The following FKBP9 variants were observed in gnomAD, a reference collection of about 807,000 sequenced individuals.
FKBP9 encodes the protein FKBP prolyl isomerase 9, also known as peptidyl-prolyl cis-trans isomerase FKBP9.
FKBP9 carries 27 observed loss-of-function variants against 55.6 expected under a neutral mutation model. The ratio of observed to expected loss-of-function variants is 0.49; its 90% CI spans 0.36 to 0.67. The LOEUF (loss-of-function observed/expected upper bound fraction) is 0.67, where lower values mean the gene tolerates loss of function less well. Ranked by LOEUF, FKBP9 falls within the 30% of genes least tolerant of loss-of-function variation. The probability of loss-of-function intolerance (pLI) is 0.00; values close to 1 mark genes in which losing one functional copy is unlikely to be tolerated. For synonymous variants in FKBP9, 267 were observed against 296.5 expected, an observed-to-expected ratio of 0.90 and a Z score of 1.02; for missense variants, 539 against 742.8, an observed-to-expected ratio of 0.73 and a Z score of 3.19.
In FKBP9 at chr7:32,957,585, G is replaced by A. The variant is rs1783924565; in HGVS notation, c.12G>A (p.Arg4=). Residue 4 remains arginine, a synonymous_variant, in exon 1 of 10, where the codon CGG becomes CGA. Transcript: ENST00000242209. ...TTCTCGCCGCCCCGATGGCGTTCCG[G>A]GGCTGGAGGCCCCCGCCGCCACCGC... MAF[R]GWRPPPPPLL... The A allele has an allele frequency of 1.4e-6, 2 of 1,470,878 alleles. No homozygotes were observed. 91.1% of individuals were successfully genotyped at this position (1,470,878 alleles called of 1,614,324 possible). A position where few individuals can be genotyped will look rare whatever the true frequency, so the allele number is the denominator to read the frequency against.
chr7:32,996,114 G>T (rs370348340), intron 6 of FKBP9, 49 bp from the exon 7 acceptor site: 130 of 1,575,020 alleles, frequency 8.3e-5, no homozygotes, highest in Non-Finnish European at 1.0e-4. Flanking sequence ...AGGCCCATGT[G>T]CTGCAGCCTG....
At chr7:32,997,916 T>A (rs1230033292) in intron 7 of FKBP9, among the ~76,000 whole-genome samples, 3 of 152,234 alleles carry the variant, frequency 2.0e-5, no homozygotes, top group African/African-American at 7.2e-5. Flanking sequence ...ATGCATTTAA[T>A]GTATTTCAAC....
rs1204609314 is a variant in FKBP9 at position 32,980,433 on chromosome 7, A to G, written c.773A>G (p.Asp258Gly). 6.2e-7 allele frequency: 1 copy of G among 1,613,706 alleles called. No homozygotes were observed. The highest frequency in any genetic ancestry group is 1.3e-5 in the African/African-American group (1 of 74,872). The change falls in exon 5 of 10, where the codon GAC becomes GGC. Residue 258 changes from aspartate to glycine, a missense_variant. This residue lies in a region of FKBP9 where 172 missense variants were observed against 205.3 expected (regional missense o/e 0.84). Coordinates refer to ENST00000242209, the MANE Select transcript of FKBP9 (RefSeq NM_007270.5). The stretch of plus-strand genomic sequence containing the variant: ...TTATTGGACCTCCATAACCCCAAGG[A>G]CAGCATTTCCATTGAGAACAAGGTA... ...VALLDLHNPK[D>G]SISIENKVVP...
At chr7:32,971,476 CCTTT>C (rs1784252965) in intron 1 of FKBP9, among the ~76,000 whole-genome samples, 1 of 151,794 alleles carries the variant, frequency 6.6e-6, no homozygotes, top group African/African-American at 2.4e-5. Flanking sequence ...TTCCTTTCTT[CCTTT>C]CTTTCTTTCC....
chr7:32,961,266 T>C (rs985258990), intron 1 of FKBP9, among the ~76,000 whole-genome samples: 1 of 152,174 alleles, frequency 6.6e-6, no homozygotes, highest in African/African-American at 2.4e-5. Context: ...TCCAGGCTTG[T>C]CTTTTGATAA....
At position 32,973,557 on chromosome 7, in the gene FKBP9, C is replaced by G. The variant is rs185347172; in HGVS notation, c.222-1060C>G. ...CATGCTGCCTCTGTGTTTAACTTAG[C>G]TGGATGACTTTAAAAAAAATCAAGT... On this transcript the variant is annotated intron_variant, in intron 1 of 9. Transcript: ENST00000242209. 2.0e-3 allele frequency among the ~76,000 whole-genome samples: 259 copies of G among 127,564 alleles called. 2 individuals are homozygous for G. Among genetic ancestry groups the G allele is most frequent in the African/African-American group, 7.4e-3 (246 of 33,352 alleles). The allele number at this position is 127,564 out of a possible 152,430, so 83.7% of individuals were successfully genotyped here.
In FKBP9 at chr7:33,006,449, T is replaced by A. The variant is rs2127990357; in HGVS notation, c.*1098T>A. On this transcript the variant is annotated 3_prime_UTR_variant, in exon 10 of 10. Transcript: ENST00000242209. ...TTCTTATTCCCACCTTTCTATCCCATAGAACACTCTTTTTTATCTTCCCTG... is the reference window on the plus strand; with the variant it reads ...TTCTTATTCCCACCTTTCTATCCCAAAGAACACTCTTTTTTATCTTCCCTG... 1 of 202,684 alleles carries A rather than the reference T, an allele frequency of 4.9e-6. No homozygotes were observed. The highest frequency in any genetic ancestry group is 2.3e-5 in the African/African-American group (1 of 43,692). 12.6% of individuals were successfully genotyped at this position (202,684 alleles called of 1,614,324 possible).
chr7:32,957,568 G>A lies in FKBP9; in HGVS notation c.-6G>A, dbSNP rs1338003261. 2 of 1,452,730 alleles carry A rather than the reference G, an allele frequency of 1.4e-6. No individual in the cohort carries two copies. The highest frequency in any genetic ancestry group is 1.8e-6 in the Non-Finnish European group (2 of 1,111,674). The allele number at this position is 1,452,730 out of a possible 1,614,324, so 90.0% of individuals were successfully genotyped here. A position where few individuals can be genotyped will look rare whatever the true frequency, so the allele number is the denominator to read the frequency against. ...CTGCGTCCGCGCCACTCTTCTCGCC[G>A]CCCCGATGGCGTTCCGGGGCTGGAG... On this transcript the variant is annotated 5_prime_UTR_variant, in exon 1 of 10. Coordinates refer to ENST00000242209, the MANE Select transcript of FKBP9 (RefSeq NM_007270.5).
chr7:32,977,037 C>A (rs970124848), intron 4 of FKBP9, among the ~76,000 whole-genome samples: 4 of 152,228 alleles, frequency 2.6e-5, no homozygotes, highest in African/African-American at 9.6e-5. Flanking sequence ...CCCGTTTGCA[C>A]CTCTATGATG....
intron 8 of FKBP9, among the ~76,000 whole-genome samples, chr7:33,000,953 T>C (rs935333086): frequency 2.0e-5 from 3 of 152,046 alleles, no homozygotes; most frequent in Non-Finnish European, 2.9e-5. Context: ...GCTAATTTTT[T>C]ATTTTTTAGA....
intron 7 of FKBP9, among the ~76,000 whole-genome samples, 169 bp from the exon 8 acceptor site, chr7:32,999,946 T>G (rs989831538): frequency 1.3e-5 from 2 of 152,134 alleles, no homozygotes; most frequent in Non-Finnish European, 2.9e-5. Context: ...AGCCAGACAT[T>G]TTTCAGCATG....
At chr7:32,995,096 G>A (rs1222819965) in intron 6 of FKBP9, 4 of 151,612 alleles carry the variant, frequency 2.6e-5, no homozygotes, top group African/African-American at 9.7e-5. Context: ...TCAACCTCCC[G>A]AGTATCTGGG....
chr7:32,989,852 G>A lies in FKBP9; in HGVS notation c.1039+1200G>A, dbSNP rs563149689. ...TTTTGAGACAAAGTCTTGTTCTGTTGCCCAGGCTGGAGTGCAGTGGTAAGA... is the reference window on the plus strand; with the variant it reads ...TTTTGAGACAAAGTCTTGTTCTGTTACCCAGGCTGGAGTGCAGTGGTAAGA... On this transcript the variant is annotated intron_variant, in intron 6 of 9. Transcript: ENST00000242209. Among the ~76,000 whole-genome samples, 3 of 152,032 alleles carry A rather than the reference G, an allele frequency of 2.0e-5. No homozygotes were observed. In the South Asian group the frequency reaches 6.3e-4, roughly 32 times the overall value.
intron 1 of FKBP9, among the ~76,000 whole-genome samples, chr7:32,961,337 C>T (rs1482645303): frequency 6.6e-6 from 1 of 152,156 alleles, no homozygotes; most frequent in Non-Finnish European, 1.5e-5. Flanking sequence ...TGCTCTAGCA[C>T]AGTAGTGTTT....
chr7:33,002,700 T>C lies in FKBP9; in HGVS notation c.1397T>C (p.Val466Ala). 6.2e-7 allele frequency: 1 copy of C among 1,614,054 alleles called. No homozygotes were observed. The highest frequency in any genetic ancestry group is 8.5e-7 in the Non-Finnish European group (1 of 1,180,000). Residue 466 changes from valine (V) to alanine (A), a missense_variant, in exon 9 of 10, where the codon GTA becomes GCA. Physicochemically the swap from Val to Ala is moderately conservative, Grantham distance 64 (BLOSUM62 0). This residue lies in a region of FKBP9 where 102 missense variants were observed against 200.7 expected (regional missense o/e 0.51). Coordinates refer to ENST00000242209, the MANE Select transcript of FKBP9 (RefSeq NM_007270.5). The stretch of plus-strand genomic sequence containing the variant: ...GATGGAGAAGTGCCCGGCAGTGCCG[T>C]ATTAGTGTTTGACATTGAGCTGCTG... ...GVDGEVPGSA[V>A]LVFDIELLEL...
chr7:32,979,490 G>A (rs1784429865), intron 4 of FKBP9: 2 of 1,548,452 alleles, frequency 1.3e-6, no homozygotes, highest in African/African-American at 1.4e-5. Context: ...ATGCAGGGTG[G>A]GCTTTGCCAA....
chr7:32,973,142 G>A (rs1028425955), intron 1 of FKBP9, among the ~76,000 whole-genome samples: 14 of 152,100 alleles, frequency 9.2e-5, no homozygotes, highest in Non-Finnish European at 1.9e-4. Flanking sequence ...GTCTCTATCA[G>A]TATATAAGGT....
At chr7:32,972,812 T>C (rs1306928842) in intron 1 of FKBP9, among the ~76,000 whole-genome samples, 1 of 152,066 alleles carries the variant, frequency 6.6e-6, no homozygotes, top group Non-Finnish European at 1.5e-5. Context: ...AACCTTCACC[T>C]CCCAGGTTCA....
At chr7:32,981,441 G>C (rs1007148257) in intron 5 of FKBP9, among the ~76,000 whole-genome samples, 9 of 152,156 alleles carry the variant, frequency 5.9e-5, no homozygotes, top group African/African-American at 2.2e-4. Context: ...CAATTGTAGA[G>C]ATGGCTTGTG....
Sources: gnomAD v4.1 joint callset for allele counts (sites outside exome capture counted in the v4.1 genomes callset) on GRCh38, gnomAD v4.1.1 for gene constraint, gnomAD v4.1.1 regional missense constraint, MANE v1.5 for transcripts, NCBI Gene and HGNC (gene_info 2026-07-23, HGNC 2026-07-21) for gene names.